EFCAB11: variants seen among roughly 807,000 people sequenced by gnomAD.
The protein encoded by EFCAB11 is EF-hand calcium binding domain 11.
EFCAB11 carries 14 observed loss-of-function variants against 23.0 expected under a neutral mutation model. The observed-to-expected ratio is 0.61, with a 90% CI of 0.40 to 0.95. EFCAB11 has a LOEUF of 0.95. Ranked by LOEUF, EFCAB11 falls within the 40% of genes least tolerant of loss-of-function variation. The pLI, the probability that EFCAB11 is intolerant of heterozygous loss-of-function variation, is 0.00. For missense variants in EFCAB11, 198 were observed against 195.8 expected (o/e 1.01, Z -0.07); for synonymous variants, 65 against 66.6 (o/e 0.98, Z 0.11).
intron 5 of EFCAB11, chr14:89,924,661 A>G: frequency 6.5e-7 from 1 of 1,535,892 alleles, no homozygotes; most frequent in Non-Finnish European, 8.7e-7. Flanking sequence ...AAGTTAAATC[A>G]TGCACTGAAA....
intron 5 of EFCAB11, among the ~76,000 whole-genome samples, chr14:89,913,518 G>A (rs912027926): frequency 2.6e-5 from 4 of 152,156 alleles, no homozygotes; most frequent in African/African-American, 9.7e-5. Flanking sequence ...CCACCATCCA[G>A]TTCTATGATT....
At chr14:89,801,736 G>A (rs925229456) in intron 5 of EFCAB11, among the ~76,000 whole-genome samples, 3 of 152,154 alleles carry the variant, frequency 2.0e-5, no homozygotes, top group Non-Finnish European at 2.9e-5. Context: ...GGTGCACACT[G>A]TAATCCCAGC....
At chr14:89,888,904 C>T (rs1352045882) in intron 5 of EFCAB11, among the ~76,000 whole-genome samples, 2 of 152,106 alleles carry the variant, frequency 1.3e-5, no homozygotes, top group African/African-American at 4.8e-5. Context: ...AAAACCATGG[C>T]GCTGTGATAC....
At chr14:89,826,048 G>T (rs559485347) in intron 5 of EFCAB11, among the ~76,000 whole-genome samples, 5 of 152,130 alleles carry the variant, frequency 3.3e-5, no homozygotes, top group Admixed American at 3.3e-4. Context: ...GCAGGGTGGT[G>T]GGGGAGACAA....
Position 89,950,117 on chromosome 14 carries a change from G to A in EFCAB11, c.197C>T (p.Ser66Leu). Residue 66 changes from serine (S) to leucine (L), a missense_variant, in exon 3 of 6, where the codon TCA becomes TTA. Ser to Leu is a moderately radical substitution (Grantham distance 145). Transcript: ENST00000316738. ...ATTACCAGAAGTATTTGGATTTATTGAAGACATCACAGAATCCACTTCTAT... is the reference window on the plus strand; with the variant it reads ...ATTACCAGAAGTATTTGGATTTATTAAAGACATCACAGAATCCACTTCTAT... ...SKIEVDSVMS[S>L]INPNTSGILL... The A allele has an allele frequency of 6.4e-7, 1 of 1,556,522 alleles. No homozygotes were observed.
intron 5 of EFCAB11, among the ~76,000 whole-genome samples, chr14:89,900,510 C>T (rs187737024): frequency 3.3e-4 from 50 of 152,292 alleles, no homozygotes; most frequent in Middle Eastern, 3.4e-3. Context: ...AAATAAGAAG[C>T]ACAGCTGAAA....
At chr14:89,895,249 T>G (rs931522765) in intron 5 of EFCAB11, among the ~76,000 whole-genome samples, 1 of 152,198 alleles carries the variant, frequency 6.6e-6, no homozygotes, top group African/African-American at 2.4e-5. Context: ...AAAATATATT[T>G]ATGAATAGGA....
intron 5 of EFCAB11, chr14:89,931,043 TA>T (rs1229201185): frequency 6.5e-6 from 1 of 152,690 alleles, no homozygotes; most frequent in Non-Finnish European, 1.5e-5. Flanking sequence ...AAATCCACTT[TA>T]TCAGGTATGT....
chr14:89,939,246 T>C (rs927302740), intron 3 of EFCAB11, among the ~76,000 whole-genome samples: 1 of 151,786 alleles, frequency 6.6e-6, no homozygotes, highest in Non-Finnish European at 1.5e-5. Flanking sequence ...CATTTATAGT[T>C]ACATACTATA....
chr14:89,936,232 A>G (rs935536277), intron 3 of EFCAB11, among the ~76,000 whole-genome samples: 1 of 152,248 alleles, frequency 6.6e-6, no homozygotes, highest in African/African-American at 2.4e-5. Flanking sequence ...AGAAGTGATA[A>G]AGGGAAAAAA....
intron 5 of EFCAB11, among the ~76,000 whole-genome samples, chr14:89,874,924 A>G (rs547177353): frequency 6.6e-6 from 1 of 152,250 alleles, no homozygotes; most frequent in Admixed American, 6.5e-5. Context: ...CACCTCTTGA[A>G]TGCTTTGCTG....
intron 5 of EFCAB11, among the ~76,000 whole-genome samples, chr14:89,801,973 G>A (rs1439321703): frequency 2.0e-5 from 3 of 146,646 alleles, no homozygotes; most frequent in Non-Finnish European, 3.0e-5. Flanking sequence ...CAGCCCAGGC[G>A]ATAGTGCGAG....
chr14:89,922,028 T>G (rs1890035476), intron 5 of EFCAB11, among the ~76,000 whole-genome samples: 1 of 152,184 alleles, frequency 6.6e-6, no homozygotes, highest in African/African-American at 2.4e-5. Context: ...GTGTGGCTAT[T>G]AATAACTTCA....
At chr14:89,939,946 C>G (rs1475058906) in intron 3 of EFCAB11, among the ~76,000 whole-genome samples, 1 of 152,152 alleles carries the variant, frequency 6.6e-6, no homozygotes, top group African/African-American at 2.4e-5. Flanking sequence ...ACCATGTTGG[C>G]CAGGCTGGTC....
At chr14:89,913,908 G>C (rs1889756057) in intron 5 of EFCAB11, among the ~76,000 whole-genome samples, 1 of 152,126 alleles carries the variant, frequency 6.6e-6, no homozygotes, top group African/African-American at 2.4e-5. Context: ...CCTGCTCCTT[G>C]AGTCTGCAGC....
intron 5 of EFCAB11, among the ~76,000 whole-genome samples, chr14:89,909,287 G>A (rs1889587306): frequency 6.6e-6 from 1 of 152,172 alleles, no homozygotes; most frequent in Non-Finnish European, 1.5e-5. Context: ...ATGTAAGTCT[G>A]ATCACATCGG....
chr14:89,890,579 T>G lies in EFCAB11; in HGVS notation c.410+40962A>C, dbSNP rs562529746. The stretch of plus-strand genomic sequence containing the variant: ...AAGTATTTAAGAATTCACATGAGTT[T>G]CTGTTTTTGGATACTCAGATCAACT... On this transcript the variant is annotated intron_variant, in intron 5 of 5. Coordinates refer to ENST00000316738, the MANE Select transcript of EFCAB11 (RefSeq NM_145231.4). Among the ~76,000 whole-genome samples, 4 of 152,338 alleles carry G rather than the reference T, an allele frequency of 2.6e-5. No individual in the cohort carries two copies. In the South Asian group the frequency reaches 8.3e-4, roughly 32 times the overall value.
chr14:89,908,413 T>C (rs944161710), intron 5 of EFCAB11, among the ~76,000 whole-genome samples: 2 of 152,202 alleles, frequency 1.3e-5, no homozygotes, highest in African/African-American at 4.8e-5. Context: ...AATCCGAAAC[T>C]TTCTGAGTAC....
chr14:89,797,189 C>A lies in EFCAB11; in HGVS notation c.*54G>T. 6.7e-7 allele frequency: 1 copy of A among 1,495,706 alleles called. No individual in the cohort carries two copies. Among genetic ancestry groups the A allele is most frequent in the Non-Finnish European group, 9.2e-7 (1 of 1,081,686 alleles). 92.7% of individuals were successfully genotyped at this position (1,495,706 alleles called of 1,614,324 possible). A position where few individuals can be genotyped will look rare whatever the true frequency, so the allele number is the denominator to read the frequency against. On this transcript the variant is annotated 3_prime_UTR_variant, in exon 6 of 6. Transcript: ENST00000316738. ...GACATCATTAGTAGAGTCGAGTCTG[C>A]TGACATTACAATCTATTGATCTCCC...
Sources: gnomAD v4.1 joint callset for allele counts (sites outside exome capture counted in the v4.1 genomes callset) on GRCh38, gnomAD v4.1.1 for gene constraint, MANE v1.5 for transcripts, NCBI Gene and HGNC (gene_info 2026-07-23, HGNC 2026-07-21) for gene names.